Variants in NFXL1 observed in about 807,000 individuals in gnomAD.
NFXL1 encodes the protein NF-X1-type zinc finger protein NFXL1.
NFXL1 carries 66 observed loss-of-function variants against 123.3 expected under a neutral mutation model. The ratio of observed to expected loss-of-function variants is 0.54; its 90% confidence interval spans 0.44 to 0.66. The LOEUF (loss-of-function observed/expected upper bound fraction) is 0.66. NFXL1 is among the 30% of genes least tolerant of loss of function. The pLI is 0.00. For synonymous variants in NFXL1, 346 were observed against 360.8 expected (o/e 0.96, Z 0.46); for missense variants, 944 against 1,125.6 (o/e 0.84, Z 2.31).
intron 2 of NFXL1, among the ~76,000 whole-genome samples, chr4:47,913,738 G>T (rs1356775457): frequency 1.3e-5 from 2 of 151,762 alleles, no homozygotes; most frequent in East Asian, 3.8e-4. Flanking sequence ...AGAGTGGAGG[G>T]AAGTAACAAA....
intron 18 of NFXL1, among the ~76,000 whole-genome samples, chr4:47,872,116 A>G (rs976620605): frequency 2.6e-5 from 4 of 152,214 alleles, no homozygotes; most frequent in Non-Finnish European, 5.9e-5. Flanking sequence ...GATAGGTGCT[A>G]TAACAGCAAC....
At chr4:47,910,786 T>A in intron 3 of NFXL1, 38 bp downstream of exon 3, 1 of 1,349,720 alleles carries the variant, frequency 7.4e-7, no homozygotes, top group Non-Finnish European at 1.0e-6. Flanking sequence ...GAATACAGTT[T>A]CATTGACGTC....
At chr4:47,914,303 G>T (rs1247774952) in intron 1 of NFXL1, 62 bp downstream of exon 1, 1 of 952,276 alleles carries the variant, frequency 1.1e-6, no homozygotes, top group African/African-American at 1.7e-5. Flanking sequence ...GTGAGGGGCC[G>T]AGTGAGGAAG....
chr4:47,909,325 C>G (rs1280461877), intron 3 of NFXL1, among the ~76,000 whole-genome samples: 2 of 152,244 alleles, frequency 1.3e-5, no homozygotes, highest in East Asian at 3.9e-4. Flanking sequence ...TAAACAGGTA[C>G]AAAAGTAACC....
At position 47,875,287 on chromosome 4, in the gene NFXL1, G is replaced by C. The variant is rs1374566195; in HGVS notation, c.2086C>G (p.Pro696Ala). The C allele has an allele frequency of 6.2e-7, 1 of 1,607,572 alleles. No individual in the cohort carries two copies. The highest frequency in any genetic ancestry group is 1.1e-5 in the South Asian group (1 of 90,148). Residue 696 changes from proline (P) to alanine (A), a missense_variant, in exon 18 of 23, where the codon CCA becomes GCA. Around this residue, in one of 4 missense-constraint regions of NFXL1, gnomAD observed 301 missense variants for 348.0 expected, o/e 0.86. Transcript: ENST00000507489. Reference protein sequence around the residue: ...DGCTGKNKAGPECLHCEEGCS... With the variant: ...DGCTGKNKAGAECLHCEEGCS... Reference sequence around the variant, plus strand: ...CCTTCCTCACAATGAAGGCATTCTGGGCCAGCCTGAAAAACAGCATGGAAA... The same window carrying C: ...CCTTCCTCACAATGAAGGCATTCTGCGCCAGCCTGAAAAACAGCATGGAAA...
intron 2 of NFXL1, among the ~76,000 whole-genome samples, chr4:47,913,004 T>C: frequency 1.1e-5 from 1 of 89,574 alleles, no homozygotes; most frequent in Non-Finnish European, 2.1e-5. Flanking sequence ...CCAGCGAGAC[T>C]CTGTCTCAAA....
intron 22 of NFXL1, among the ~76,000 whole-genome samples, chr4:47,849,890 T>C (rs942829221): frequency 7.2e-5 from 11 of 152,100 alleles, no homozygotes; most frequent in Admixed American, 7.2e-4. Flanking sequence ...CTATAACACC[T>C]AATAACAATG....
At chr4:47,860,628 A>C (rs73141964) in intron 19 of NFXL1, among the ~76,000 whole-genome samples, 109 of 152,356 alleles carry the variant, frequency 7.2e-4, no homozygotes, top group African/African-American at 2.3e-3. Context: ...GGAAAGAAAC[A>C]AGAACATAAA....
At position 47,893,708 on chromosome 4, in the gene NFXL1, AAAAAATGAAATGTGATGG is replaced by A. The variant is rs796648225; in HGVS notation, c.1452+454_1452+471del. 8.5e-4 allele frequency among the ~76,000 whole-genome samples: 129 copies of A among 152,268 alleles called. 3 individuals are homozygous for A. The South Asian group carries it at 0.025, about 30-fold the overall frequency. On this transcript the variant is annotated intron_variant, in intron 11 of 22. Coordinates refer to ENST00000507489, the MANE Select transcript of NFXL1 (RefSeq NM_001278624.2). ...AAGGAAATCCTTCAGAATAGAAAAA[AAAAAATGAAATGTGATGG>A]AAATGTGAATCTATACAAAAAGATG... is the stretch of plus-strand genomic sequence containing the variant.
At chr4:47,911,077 C>T (rs1245634310) in intron 2 of NFXL1, 83 bp from the exon 3 acceptor site, 13 of 765,986 alleles carry the variant, frequency 1.7e-5, no homozygotes, top group Non-Finnish European at 2.6e-5. Context: ...CATTTTACAA[C>T]ACACATTTGA....
At chr4:47,890,436 T>A (rs748222723) in intron 12 of NFXL1, among the ~76,000 whole-genome samples, 177 bp downstream of exon 12, 7 of 152,166 alleles carry the variant, frequency 4.6e-5, no homozygotes, top group African/African-American at 9.7e-5. Flanking sequence ...TTCAACCTCT[T>A]TGCCTATAAA....
intron 19 of NFXL1, 131 bp downstream of exon 19, chr4:47,862,715 T>C: frequency 1.4e-6 from 1 of 707,770 alleles, no homozygotes; most frequent in Non-Finnish European, 2.5e-6. Flanking sequence ...ACCCTAACTA[T>C]ATGTCTTACG....
chr4:47,867,642 T>TGGAGGA (rs35467475), intron 18 of NFXL1, among the ~76,000 whole-genome samples: 1 of 151,146 alleles, frequency 6.6e-6, no homozygotes, highest in Non-Finnish European at 1.5e-5. Flanking sequence ...ATTTTAAAGA[T>TGGAGGA]GGAGGAGGAG....
At chr4:47,857,657 A>G (rs1437101527) in intron 19 of NFXL1, among the ~76,000 whole-genome samples, 3 of 152,102 alleles carry the variant, frequency 2.0e-5, no homozygotes, top group African/African-American at 7.2e-5. Flanking sequence ...TACTGGTAAA[A>G]TTTGTAGAAG....
In NFXL1 at chr4:47,881,682, T is replaced by C. The variant is rs1042692820; in HGVS notation, c.1917-2565A>G. On this transcript the variant is annotated intron_variant, in intron 15 of 22. Transcript: ENST00000507489. ...AACAAACTATGGTACCTTTATGCAA[T>C]GTATTATTATTCAATGATAAAAATA... Among the ~76,000 whole-genome samples, 5 of 152,164 alleles carry C rather than the reference T, an allele frequency of 3.3e-5. No individual in the cohort carries two copies. The East Asian group carries it at 5.8e-4, about 18-fold the overall frequency.
intron 11 of NFXL1, among the ~76,000 whole-genome samples, chr4:47,891,188 T>C (rs1056255074): frequency 6.6e-6 from 1 of 151,090 alleles, no homozygotes; most frequent in Admixed American, 6.6e-5. Flanking sequence ...CTTGACTGAC[T>C]GCAACCTCCA....
At position 47,878,708 on chromosome 4, in the gene NFXL1, C is replaced by T. The variant is rs757499071; in HGVS notation, c.1939-43G>A. ...ATCAGCACAGCACACATTACTCAAA[C>T]GTTTCTGGACATATTATATGTTTCC... On this transcript the variant is annotated intron_variant, in intron 16 of 22. Coordinates refer to ENST00000507489, the MANE Select transcript of NFXL1 (RefSeq NM_001278624.2). 22 of 1,382,238 alleles carry T rather than the reference C, an allele frequency of 1.6e-5. No homozygotes were observed. The East Asian group carries it at 2.1e-4, about 13-fold the overall frequency. 85.6% of individuals were successfully genotyped at this position (1,382,238 alleles called of 1,614,324 possible). A position where few individuals can be genotyped will look rare whatever the true frequency, so the allele number is the denominator to read the frequency against.
intron 18 of NFXL1, among the ~76,000 whole-genome samples, chr4:47,866,344 A>T (rs2110051172): frequency 6.6e-6 from 1 of 152,282 alleles, no homozygotes; most frequent in South Asian, 2.1e-4. Context: ...TCTCAGTACC[A>T]CCCTCAAACG....
chr4:47,890,565 C>G, intron 12 of NFXL1, 48 bp downstream of exon 12: 1 of 983,142 alleles, frequency 1.0e-6, no homozygotes, highest in Non-Finnish European at 1.6e-6. Flanking sequence ...AAAAAAAAAA[C>G]CACTACATCA....
Sources: gnomAD v4.1 joint callset for allele counts (sites outside exome capture counted in the v4.1 genomes callset) on GRCh38, gnomAD v4.1.1 for gene constraint, gnomAD v4.1.1 regional missense constraint, MANE v1.5 for transcripts, NCBI Gene and HGNC (gene_info 2026-07-23, HGNC 2026-07-21) for gene names.